DAPL1: variants seen among roughly 807,000 people sequenced by gnomAD.
The protein encoded by DAPL1 is death-associated protein-like 1.
DAPL1 carries 17 observed loss-of-function variants against 12.9 expected under a neutral mutation model. The observed-to-expected ratio is 1.32, with a 90% CI of 0.90 to 1.98. The LOEUF is 1.98. Ranked by LOEUF, DAPL1 falls within the 30% of genes most tolerant of loss-of-function variation. The pLI is 0.00. For missense variants in DAPL1, 157 were observed against 125.7 expected, an observed-to-expected ratio of 1.25 and a Z score of -1.19; for synonymous variants, 51 against 42.0, an observed-to-expected ratio of 1.21 and a Z score of -0.82.
chr2:158,812,556 G>T (rs1268134610), intron 3 of DAPL1, among the ~76,000 whole-genome samples: 1 of 152,170 alleles, frequency 6.6e-6, no homozygotes, highest in African/African-American at 2.4e-5. Context: ...CACTTTGGGA[G>T]GCCAAGGCAG....
chr2:158,798,068 T>A (rs77905250), intron 1 of DAPL1, among the ~76,000 whole-genome samples: 1,573 of 152,134 alleles, frequency 0.01, 24 homozygotes, highest in African/African-American at 0.036. Context: ...AATGTGTGAG[T>A]AGAAGTTGAC....
chr2:158,815,965 T>C lies in DAPL1; in HGVS notation c.*144T>C. On this transcript the variant is annotated 3_prime_UTR_variant, in exon 4 of 4. Transcript: ENST00000309950. The stretch of plus-strand genomic sequence containing the variant: ...TATCTTCCCCTTTGACTTTAGGTAA[T>C]AAAGCATCCAAACTTGTAAATCTGA... 1 of 636,974 alleles carries C rather than the reference T, an allele frequency of 1.6e-6. No individual in the cohort carries two copies. The highest frequency in any genetic ancestry group is 1.9e-5 in the South Asian group (1 of 52,656). The allele number at this position is 636,974 out of a possible 1,614,324, so 39.5% of individuals were successfully genotyped here. A position where few individuals can be genotyped will look rare whatever the true frequency, so the allele number is the denominator to read the frequency against.
rs1004375963 is a variant in DAPL1, at chr2:158,811,391, G to A, written c.207+4276G>A. Reference sequence around the variant, plus strand: ...TTAAGTGCCAATATTCGAGTTGGAAGTTAACACCCTGGAAAGATGAATGAA... The same window carrying A: ...TTAAGTGCCAATATTCGAGTTGGAAATTAACACCCTGGAAAGATGAATGAA... On this transcript the variant is annotated intron_variant, in intron 3 of 3. Coordinates refer to ENST00000309950, the MANE Select transcript of DAPL1 (RefSeq NM_001017920.3). Among the ~76,000 whole-genome samples, 3 of 152,292 alleles carry A rather than the reference G, an allele frequency of 2.0e-5. No homozygotes were observed. In the East Asian group the frequency reaches 5.8e-4, roughly 29 times the overall value.
chr2:158,809,617 A>G (rs762803089), intron 3 of DAPL1, among the ~76,000 whole-genome samples: 1 of 152,132 alleles, frequency 6.6e-6, no homozygotes, highest in Non-Finnish European at 1.5e-5. Context: ...TGTGAGTACC[A>G]GTATCTACTT....
intron 2 of DAPL1, among the ~76,000 whole-genome samples, chr2:158,804,681 C>T (rs1161249820): frequency 6.6e-6 from 1 of 152,226 alleles, no homozygotes; most frequent in Non-Finnish European, 1.5e-5. Context: ...GACACACATC[C>T]TTTTATCCTA....
At chr2:158,801,367 T>C (rs1365772993) in intron 1 of DAPL1, among the ~76,000 whole-genome samples, 1 of 152,182 alleles carries the variant, frequency 6.6e-6, no homozygotes, top group Non-Finnish European at 1.5e-5. Flanking sequence ...ATCTGATTCT[T>C]CTTAGCATTA....
chr2:158,805,633 C>T (rs979772211), intron 2 of DAPL1, among the ~76,000 whole-genome samples: 1 of 148,486 alleles, frequency 6.7e-6, no homozygotes, highest in African/African-American at 2.4e-5. Flanking sequence ...AAATGACTTA[C>T]TAGTGGACAG....
At chr2:158,813,537 A>T (rs969483300) in intron 3 of DAPL1, among the ~76,000 whole-genome samples, 6 of 149,764 alleles carry the variant, frequency 4.0e-5, no homozygotes, top group South Asian at 4.2e-4. Flanking sequence ...TTATTCTAAC[A>T]CTACTCTCCT....
chr2:158,813,245 G>A (rs999632108), intron 3 of DAPL1, among the ~76,000 whole-genome samples: 1 of 152,128 alleles, frequency 6.6e-6, no homozygotes, highest in African/African-American at 2.4e-5. Context: ...AGGGAATGGA[G>A]AATTACTGTT....
intron 2 of DAPL1, 119 bp downstream of exon 2, chr2:158,804,488 C>A: frequency 4.4e-5 from 27 of 614,364 alleles, no homozygotes; most frequent in South Asian, 1.2e-4. Context: ...GAGAAGGGGG[C>A]AGGAGGGGGA....
chr2:158,804,566 C>A (rs1230265070), intron 2 of DAPL1, among the ~76,000 whole-genome samples, 197 bp downstream of exon 2: 15 of 152,144 alleles, frequency 9.9e-5, no homozygotes, highest in Admixed American at 9.8e-4. Context: ...TGGAGGGATC[C>A]CTCTGAGAGG....
In DAPL1 at chr2:158,815,958, T is replaced by C. The variant is rs1193549330; in HGVS notation, c.*137T>C. On this transcript the variant is annotated 3_prime_UTR_variant, in exon 4 of 4. Coordinates refer to ENST00000309950, the MANE Select transcript of DAPL1 (RefSeq NM_001017920.3). ...GCTTTTGTATCTTCCCCTTTGACTT[T>C]AGGTAATAAAGCATCCAAACTTGTA... 9.1e-6 allele frequency: 6 copies of C among 657,492 alleles called. No individual in the cohort carries two copies. Among genetic ancestry groups the C allele is most frequent in the African/African-American group, 1.8e-5 (1 of 55,142 alleles). The allele number at this position is 657,492 out of a possible 1,614,324, so 40.7% of individuals were successfully genotyped here. A position where few individuals can be genotyped will look rare whatever the true frequency, so the allele number is the denominator to read the frequency against.
At chr2:158,809,151 A>G (rs2059217233) in intron 3 of DAPL1, among the ~76,000 whole-genome samples, 1 of 151,976 alleles carries the variant, frequency 6.6e-6, no homozygotes, top group African/African-American at 2.4e-5. Context: ...ACAAGTCAGG[A>G]GTTCAAGACC....
chr2:158,804,215 C>A, intron 1 of DAPL1, 67 bp from the exon 2 acceptor site: 2 of 1,043,510 alleles, frequency 1.9e-6, no homozygotes, highest in South Asian at 1.6e-5. Flanking sequence ...TAAAGTCATA[C>A]CTTTAATAAC....
At chr2:158,802,526 G>A (rs1235649075) in intron 1 of DAPL1, among the ~76,000 whole-genome samples, 1 of 152,222 alleles carries the variant, frequency 6.6e-6, no homozygotes, top group East Asian at 1.9e-4. Flanking sequence ...TTTCAAGATA[G>A]TAACAGTTAT....
intron 1 of DAPL1, among the ~76,000 whole-genome samples, chr2:158,797,159 A>C (rs1221044157): frequency 6.6e-6 from 1 of 152,214 alleles, no homozygotes; most frequent in Non-Finnish European, 1.5e-5. Flanking sequence ...TGGGACATAC[A>C]TAGCCTTTGG....
chr2:158,813,777 G>A (rs1034758881), intron 3 of DAPL1, among the ~76,000 whole-genome samples: 5 of 152,078 alleles, frequency 3.3e-5, no homozygotes, highest in South Asian at 2.1e-4. Flanking sequence ...GGATGGTCTC[G>A]ATCGCCTGAC....
intron 1 of DAPL1, among the ~76,000 whole-genome samples, chr2:158,802,093 A>G (rs1282239041): frequency 6.6e-6 from 1 of 152,224 alleles, no homozygotes; most frequent in Admixed American, 6.5e-5. Flanking sequence ...ACAAAACCAA[A>G]CACTTTGTAG....
At chr2:158,799,600 G>T (rs574296719) in intron 1 of DAPL1, among the ~76,000 whole-genome samples, 1 of 152,162 alleles carries the variant, frequency 6.6e-6, no homozygotes, top group Admixed American at 6.5e-5. Flanking sequence ...CCAGTGTAGT[G>T]ACAGCCCAAA....
Sources: allele counts gnomAD v4.1 joint callset (sites outside exome capture counted in the v4.1 genomes callset), GRCh38; gene constraint gnomAD v4.1.1; transcripts MANE v1.5; gene names NCBI Gene and HGNC (gene_info 2026-07-23, HGNC 2026-07-21).